Variants in STPG2 observed in about 807,000 individuals in gnomAD.
STPG2 encodes sperm-tail PG-rich repeat-containing protein 2.
STPG2 carries 56 observed loss-of-function variants against 54.2 expected under a neutral mutation model. The observed-to-expected ratio is 1.03, with a 90% confidence interval of 0.83 to 1.29. STPG2 has a LOEUF of 1.29. STPG2 is among the 50% of genes most tolerant of loss of function. STPG2 has a pLI of 0.00. For synonymous variants in STPG2, 200 were observed against 181.8 expected, an observed-to-expected ratio of 1.10 and a Z score of -0.81; for missense variants, 596 against 544.9, an observed-to-expected ratio of 1.09 and a Z score of -0.93.
intron 8 of STPG2, among the ~76,000 whole-genome samples, chr4:97,876,421 G>T (rs1207377625): frequency 6.6e-6 from 1 of 152,010 alleles, no homozygotes; most frequent in Non-Finnish European, 1.5e-5. Context: ...ATTAAGCAAT[G>T]ATGTCTTAAA....
At chr4:97,507,062 G>C (rs1327487656) in intron 4 of STPG2, among the ~76,000 whole-genome samples, 3 of 151,920 alleles carry the variant, frequency 2.0e-5, no homozygotes, top group Admixed American at 1.3e-4. Flanking sequence ...GTGGTAGCAT[G>C]TGCCTATCAT....
chr4:97,804,186 C>A (rs1727482792), intron 9 of STPG2, among the ~76,000 whole-genome samples: 1 of 152,148 alleles, frequency 6.6e-6, no homozygotes, highest in South Asian at 2.1e-4. Flanking sequence ...TTCTTTTAAT[C>A]TAACGTAATC....
intron 5 of STPG2, among the ~76,000 whole-genome samples, chr4:98,093,981 CAGA>C (rs1738768656): frequency 6.6e-6 from 1 of 152,130 alleles, no homozygotes; most frequent in African/African-American, 2.4e-5. Flanking sequence ...CAGTCTAGGA[CAGA>C]AGGACTGCAA....
chr4:98,074,367 T>G (rs1738091826), intron 5 of STPG2, among the ~76,000 whole-genome samples: 1 of 152,208 alleles, frequency 6.6e-6, no homozygotes, highest in African/African-American at 2.4e-5. Flanking sequence ...CTTTTTGTAT[T>G]TGGTTTTTAG....
At chr4:97,687,108 AT>A (rs1056011278) in intron 10 of STPG2, among the ~76,000 whole-genome samples, 6 of 148,066 alleles carry the variant, frequency 4.1e-5, no homozygotes, top group Non-Finnish European at 4.5e-5. Context: ...GCCTGGCTAA[AT>A]TTTTTTTTTA....
chr4:97,850,323 TAAA>T (rs1265369998), intron 8 of STPG2, among the ~76,000 whole-genome samples: 6 of 130,958 alleles, frequency 4.6e-5, no homozygotes, highest in Non-Finnish European at 5.3e-5. Flanking sequence ...AATAAATAAA[TAAA>T]GAAGTAGAGC....
chr4:98,114,496 A>G (rs1469081827), intron 3 of STPG2, among the ~76,000 whole-genome samples: 1 of 152,096 alleles, frequency 6.6e-6, no homozygotes, highest in Admixed American at 6.6e-5. Flanking sequence ...ATTTTAAAAT[A>G]CAGCATTTTG....
chr4:98,114,783 G>GT (rs1303448965), intron 3 of STPG2, among the ~76,000 whole-genome samples: 1 of 151,266 alleles, frequency 6.6e-6, no homozygotes, highest in Non-Finnish European at 1.5e-5. Context: ...GTGTGTGTGT[G>GT]TGTGTGTGTC....
intron 8 of STPG2, among the ~76,000 whole-genome samples, chr4:97,901,008 C>T (rs1731156983): frequency 6.6e-6 from 1 of 151,592 alleles, no homozygotes. Flanking sequence ...AGGCAACACT[C>T]AAAGAAAAAA....
intron 10 of STPG2, among the ~76,000 whole-genome samples, chr4:97,632,503 CAT>C (rs1414070885): frequency 1.3e-5 from 2 of 152,202 alleles, no homozygotes; most frequent in South Asian, 2.1e-4. Context: ...TTATGCCTTA[CAT>C]GTTTCAATAA....
At chr4:97,471,223 G>A (rs1729918339) in intron 4 of STPG2, among the ~76,000 whole-genome samples, 1 of 152,100 alleles carries the variant, frequency 6.6e-6, no homozygotes, top group South Asian at 2.1e-4. Flanking sequence ...AACTAAAACT[G>A]CAGAAAACGT....
intron 10 of STPG2, among the ~76,000 whole-genome samples, chr4:97,640,177 A>G (rs2148944511): frequency 6.6e-6 from 1 of 152,194 alleles, no homozygotes; most frequent in African/African-American, 2.4e-5. Flanking sequence ...AAATAACTTC[A>G]CTGAGTAAAT....
intron 8 of STPG2, among the ~76,000 whole-genome samples, chr4:97,942,297 T>C (rs1327892241): frequency 6.6e-6 from 1 of 151,962 alleles, no homozygotes; most frequent in African/African-American, 2.4e-5. Context: ...CATAAAAGCA[T>C]TATATTAGTA....
chr4:97,885,739 G>T (rs1007167845), intron 8 of STPG2, among the ~76,000 whole-genome samples: 3 of 152,154 alleles, frequency 2.0e-5, no homozygotes, highest in Non-Finnish European at 2.9e-5. Flanking sequence ...TGGAAGGTCA[G>T]TTGTGGGAAT....
At chr4:97,540,714 A>G (rs182296002) in intron 4 of STPG2, among the ~76,000 whole-genome samples, 5 of 152,302 alleles carry the variant, frequency 3.3e-5, no homozygotes, top group South Asian at 4.1e-4. Context: ...TGATGCAAAA[A>G]TCCTCACTAA....
chr4:97,506,481 A>T (rs2148837298), intron 4 of STPG2, among the ~76,000 whole-genome samples: 1 of 152,152 alleles, frequency 6.6e-6, no homozygotes, highest in African/African-American at 2.4e-5. Flanking sequence ...TCAATAAACT[A>T]AGTGAAAAAT....
intron 9 of STPG2, among the ~76,000 whole-genome samples, chr4:97,727,774 T>C (rs1307441741): frequency 6.6e-6 from 1 of 151,862 alleles, no homozygotes; most frequent in Non-Finnish European, 1.5e-5. Context: ...TAAATTAATT[T>C]AAAAATTTTT....
chr4:97,613,375 G>A (rs1733776857), intron 10 of STPG2, among the ~76,000 whole-genome samples: 1 of 151,840 alleles, frequency 6.6e-6, no homozygotes, highest in South Asian at 2.1e-4. Flanking sequence ...GGGTTTTGAG[G>A]AAGAATAATA....
intron 4 of STPG2, among the ~76,000 whole-genome samples, chr4:97,477,476 GTTTTTTT>G (rs1018809087): frequency 7.1e-4 from 85 of 120,408 alleles, no homozygotes; most frequent in African/African-American, 2.5e-3. Context: ...TTCCTTTTTT[GTTTTTTT>G]TTTTTTTTTT....
Sources: gnomAD v4.1 joint callset for allele counts (sites outside exome capture counted in the v4.1 genomes callset) on GRCh38, gnomAD v4.1.1 for gene constraint, MANE v1.5 for transcripts, NCBI Gene and HGNC (gene_info 2026-07-23, HGNC 2026-07-21) for gene names.